ABCA8: variants seen among roughly 807,000 people sequenced by gnomAD.
ABCA8 encodes the protein ATP binding cassette subfamily A member 8.
Under a neutral mutation model 192.3 loss-of-function variants are expected in ABCA8, and 177 were observed. The ratio of observed to expected loss-of-function variants is 0.92; its 90% CI spans 0.81 to 1.04. ABCA8 has a LOEUF of 1.04. ABCA8 is among the 50% of genes least tolerant of loss of function. ABCA8 has a pLI of 0.00. For synonymous variants in ABCA8, 642 were observed against 690.2 expected, an observed-to-expected ratio of 0.93 and a Z score of 1.09; for missense variants, 1,915 against 1,904.8, an observed-to-expected ratio of 1.01 and a Z score of -0.10.
At chr17:68,939,863 A>G (rs543189373) in intron 4 of ABCA8, among the ~76,000 whole-genome samples, 17 of 152,244 alleles carry the variant, frequency 1.1e-4, no homozygotes, top group African/African-American at 3.6e-4. Context: ...ATCGAACACA[A>G]GGTCTTATTT....
rs4147984 is a variant in ABCA8, at chr17:68,922,323, C to T, written c.1443-23G>A. On this transcript the variant is annotated intron_variant, in intron 11 of 39. Coordinates refer to ENST00000586539, the MANE Select transcript of ABCA8 (RefSeq NM_001288985.2). ...ATTCTGAAAAAAAGAAAAGATACTTCAAAGTGACAATTTTCTTCAGTTTGT... is the reference window on the plus strand; with the variant it reads ...ATTCTGAAAAAAAGAAAAGATACTTTAAAGTGACAATTTTCTTCAGTTTGT... 904 of 1,267,926 alleles carry T rather than the reference C, an allele frequency of 7.1e-4. 18 individuals carry two copies. The East Asian group carries it at 0.031, about 44-fold the overall frequency. The allele number at this position is 1,267,926 out of a possible 1,614,324, so 78.5% of individuals were successfully genotyped here. A position where few individuals can be genotyped will look rare whatever the true frequency, so the allele number is the denominator to read the frequency against.
intron 17 of ABCA8, among the ~76,000 whole-genome samples, chr17:68,915,110 CT>C (rs1180299463): frequency 1.2e-4 from 18 of 152,112 alleles, no homozygotes; most frequent in Admixed American, 1.2e-3. Flanking sequence ...AGACTCCTAT[CT>C]GTCACTGTTT....
intron 17 of ABCA8, among the ~76,000 whole-genome samples, chr17:68,915,086 A>G (rs570679449): frequency 1.3e-3 from 191 of 152,296 alleles, no homozygotes; most frequent in African/African-American, 4.5e-3. Flanking sequence ...ATCCATATGC[A>G]GAAGAATGAA....
At chr17:68,894,112 G>A (rs777064619) in intron 23 of ABCA8, 61 bp downstream of exon 23, 1 of 1,559,484 alleles carries the variant, frequency 6.4e-7, no homozygotes, top group South Asian at 1.1e-5. Flanking sequence ...GCACTTAAAA[G>A]GGTGATCTGG....
At chr17:68,899,405 G>A (rs962423171) in intron 21 of ABCA8, among the ~76,000 whole-genome samples, 3 of 151,966 alleles carry the variant, frequency 2.0e-5, no homozygotes, top group African/African-American at 7.2e-5. Context: ...GAAAGCAGAA[G>A]GTGGAACAAT....
At chr17:68,887,545 A>C in intron 24 of ABCA8, 39 bp from the exon 25 acceptor site, 1 of 1,539,764 alleles carries the variant, frequency 6.5e-7, no homozygotes, top group Non-Finnish European at 8.8e-7. Flanking sequence ...TTTGTGGCTT[A>C]AGAATATGTG....
At chr17:68,944,359 T>TATATATATATATAC (rs765731645) in intron 2 of ABCA8, among the ~76,000 whole-genome samples, 1 of 69,482 alleles carries the variant, frequency 1.4e-5, no homozygotes, top group African/African-American at 5.5e-5. Context: ...TATATATATA[T>TATATATATATATAC]ACACATATAC....
At chr17:68,869,880 G>A in intron 37 of ABCA8, 101 bp from the exon 38 acceptor site, 3 of 795,222 alleles carry the variant, frequency 3.8e-6, no homozygotes, top group East Asian at 5.3e-5. Flanking sequence ...AAAAAATGGT[G>A]TTAGGAACAT....
At chr17:68,924,085 G>A (rs2067621734) in intron 11 of ABCA8, among the ~76,000 whole-genome samples, 1 of 152,128 alleles carries the variant, frequency 6.6e-6, no homozygotes, top group Admixed American at 6.5e-5. Flanking sequence ...AAAAGGCCAG[G>A]CGCGGTGGCT....
At chr17:68,914,467 A>C (rs2067303928) in intron 17 of ABCA8, among the ~76,000 whole-genome samples, 2 of 152,282 alleles carry the variant, frequency 1.3e-5, no homozygotes, top group African/African-American at 4.8e-5. Context: ...CAAAATCAAT[A>C]TACAAAAATC....
At chr17:68,935,106 A>G (rs1214416288) in intron 5 of ABCA8, among the ~76,000 whole-genome samples, 1 of 125,154 alleles carries the variant, frequency 8.0e-6, no homozygotes, top group African/African-American at 3.2e-5. Flanking sequence ...TTTTTTAGAG[A>G]TGGAGTCTCA....
At chr17:68,884,794 T>C in intron 27 of ABCA8, 4 of 985,404 alleles carry the variant, frequency 4.1e-6, no homozygotes, top group Non-Finnish European at 4.8e-6. Context: ...TTCCTTCCTT[T>C]TGCATAGGTA....
At chr17:68,868,837 G>A (rs969269854) in intron 38 of ABCA8, among the ~76,000 whole-genome samples, 4 of 152,060 alleles carry the variant, frequency 2.6e-5, no homozygotes, top group East Asian at 3.9e-4. Flanking sequence ...TGGGAGAGGC[G>A]GTTAGAGCTC....
At position 68,918,030 on chromosome 17, in the gene ABCA8, C is replaced by T; in HGVS notation, c.2047+17G>A. The T allele has an allele frequency of 6.2e-7, 1 of 1,613,702 alleles. No individual in the cohort carries two copies. The highest frequency in any genetic ancestry group is 8.5e-7 in the Non-Finnish European group (1 of 1,179,888). ...TTAAAGTCCTCCTCAGGATACTTAA[C>T]AGAAACCAGTGATTACCCGCCAGGA... On this transcript the variant is annotated intron_variant, in intron 16 of 39. Transcript: ENST00000586539.
rs755257008 is a variant in ABCA8, at chr17:68,869,749, T to C, written c.4662A>G (p.Pro1554=). The part of the protein sequence containing the change: ...RYSSLMVYKL[P]VEDVQPLAQA... Reference sequence around the variant, plus strand: ...GGGCTAAAGGTTGCACATCTTCCACTGGCAACTTATAAACCATCAGAGAGG... The same window carrying C: ...GGGCTAAAGGTTGCACATCTTCCACCGGCAACTTATAAACCATCAGAGAGG... Residue 1554 remains proline (P), a synonymous_variant, in exon 38 of 40, where the codon CCA becomes CCG. Coordinates refer to ENST00000586539, the MANE Select transcript of ABCA8 (RefSeq NM_001288985.2). The C allele has an allele frequency of 6.2e-7, 1 of 1,613,266 alleles. No individual in the cohort carries two copies. The highest frequency in any genetic ancestry group is 1.7e-5 in the Admixed American group (1 of 60,006).
At chr17:68,873,807 TC>T (rs2066131446) in intron 37 of ABCA8, among the ~76,000 whole-genome samples, 3 of 152,248 alleles carry the variant, frequency 2.0e-5, no homozygotes, top group African/African-American at 7.2e-5. Flanking sequence ...GAAGAGACTA[TC>T]CCTTCCCCAT....
chr17:68,906,667 T>C (rs1229954917), intron 18 of ABCA8, among the ~76,000 whole-genome samples: 1 of 152,140 alleles, frequency 6.6e-6, no homozygotes. Context: ...TTAAAAAATT[T>C]TCTGTTTCTA....
At chr17:68,953,174 C>T (rs2068616656) in intron 1 of ABCA8, among the ~76,000 whole-genome samples, 1 of 152,120 alleles carries the variant, frequency 6.6e-6, no homozygotes, top group Admixed American at 6.5e-5. Context: ...TGGAAGGTAC[C>T]ATCATCAGTT....
At chr17:68,929,429 G>T in intron 8 of ABCA8, 132 bp downstream of exon 8, 1 of 1,196,948 alleles carries the variant, frequency 8.4e-7, no homozygotes. Flanking sequence ...AAATCAAATT[G>T]TACCTGTTTA....
Sources: gnomAD v4.1 joint callset for allele counts (sites outside exome capture counted in the v4.1 genomes callset) on GRCh38, gnomAD v4.1.1 for gene constraint, MANE v1.5 for transcripts, NCBI Gene and HGNC (gene_info 2026-07-23, HGNC 2026-07-21) for gene names.